The following TTC28 variants were observed in gnomAD, a reference collection of about 807,000 sequenced individuals.
TTC28 encodes tetratricopeptide repeat domain 28.
Under a neutral mutation model 198.0 loss-of-function variants are expected in TTC28, and 61 were observed. That is an observed-to-expected ratio of 0.31 (90% CI 0.25 to 0.38). The LOEUF (loss-of-function observed/expected upper bound fraction) is 0.38, where lower values mean the gene tolerates loss of function less well. Ranked by LOEUF, TTC28 falls within the 10% of genes least tolerant of loss-of-function variation. The pLI, the probability that TTC28 is intolerant of heterozygous loss-of-function variation, is 1.00. For missense variants in TTC28, 2,678 were observed against 3,164.0 expected (o/e 0.85, Z 3.69); for synonymous variants, 1,171 against 1,297.8 (o/e 0.90, Z 2.10).
At chr22:28,399,118 T>G (rs1033161171) in intron 2 of TTC28, among the ~76,000 whole-genome samples, 1 of 151,900 alleles carries the variant, frequency 6.6e-6, no homozygotes, top group Non-Finnish European at 1.5e-5. Flanking sequence ...TCTACCAGAC[T>G]TTTTCATTCT....
intron 2 of TTC28, among the ~76,000 whole-genome samples, chr22:28,587,227 C>T (rs904070928): frequency 1.3e-5 from 2 of 152,148 alleles, no homozygotes; most frequent in African/African-American, 4.8e-5. Context: ...GGCATGGTGG[C>T]ACACATCTGT....
chr22:27,985,196 A>G, intron 22 of TTC28, 53 bp downstream of exon 22: 1 of 1,361,640 alleles, frequency 7.3e-7, no homozygotes, highest in Non-Finnish European at 1.0e-6. Flanking sequence ...GTCGGCCCCC[A>G]GGGAGAGCAT....
intron 2 of TTC28, among the ~76,000 whole-genome samples, chr22:28,367,417 A>C (rs115524916): frequency 0.016 from 2,458 of 152,180 alleles, 88 homozygotes; most frequent in African/African-American, 0.057. Context: ...ACATATCAAA[A>C]CTTACGGGAT....
chr22:28,367,002 A>G (rs1416894742), intron 2 of TTC28, among the ~76,000 whole-genome samples: 1 of 152,128 alleles, frequency 6.6e-6, no homozygotes, highest in Non-Finnish European at 1.5e-5. Context: ...AGACTTCAAT[A>G]GCCCACTTTC....
At chr22:28,603,737 A>G (rs543291302) in intron 2 of TTC28, among the ~76,000 whole-genome samples, 2 of 152,260 alleles carry the variant, frequency 1.3e-5, no homozygotes, top group South Asian at 4.1e-4. Flanking sequence ...AACAATCCTT[A>G]TAACAGTCCT....
chr22:28,461,939 C>T (rs544693352), intron 2 of TTC28, among the ~76,000 whole-genome samples: 1 of 152,310 alleles, frequency 6.6e-6, no homozygotes, highest in Admixed American at 6.5e-5. Context: ...GTCCCAGTTA[C>T]ACCCATCATT....
chr22:28,571,318 T>A (rs973789286), intron 2 of TTC28, among the ~76,000 whole-genome samples: 2 of 152,210 alleles, frequency 1.3e-5, no homozygotes, highest in African/African-American at 2.4e-5. Flanking sequence ...TAATTACACA[T>A]GAAATTACAC....
intron 5 of TTC28, among the ~76,000 whole-genome samples, chr22:28,182,632 C>T (rs1923806493): frequency 6.7e-6 from 1 of 148,642 alleles, no homozygotes; most frequent in South Asian, 2.1e-4. Context: ...ATCATTACAG[C>T]CCCCCTGCTA....
intron 12 of TTC28, among the ~76,000 whole-genome samples, chr22:28,041,203 G>T (rs1939624588): frequency 6.6e-6 from 1 of 152,124 alleles, no homozygotes; most frequent in South Asian, 2.1e-4. Flanking sequence ...AGCTACCAAT[G>T]ACTTTCTTCA....
At chr22:28,388,657 T>G (rs960120689) in intron 2 of TTC28, among the ~76,000 whole-genome samples, 1 of 152,216 alleles carries the variant, frequency 6.6e-6, no homozygotes, top group Non-Finnish European at 1.5e-5. Context: ...GTTGTTGGTG[T>G]ATAAGAACGC....
chr22:28,464,715 T>C (rs1245529728), intron 2 of TTC28, among the ~76,000 whole-genome samples: 1 of 152,186 alleles, frequency 6.6e-6, no homozygotes, highest in East Asian at 1.9e-4. Flanking sequence ...TTATCTCTAC[T>C]TTTTCTACTA....
rs1026220338 is a variant in TTC28 at position 28,630,685 on chromosome 22, T to C, written c.103-855A>G. Among the ~76,000 whole-genome samples the C allele has an allele frequency of 4.6e-5, 7 of 152,320 alleles. No individual in the cohort carries two copies. In the South Asian group the frequency reaches 8.3e-4, roughly 18 times the overall value. ...GAACCTCAATAAACACAAACATTCT[T>C]CATGATCTGCTCTACATTATATTTA... On this transcript the variant is annotated intron_variant, in intron 1 of 22. Transcript: ENST00000397906.
intron 13 of TTC28, among the ~76,000 whole-genome samples, chr22:28,027,781 G>C (rs1385167428): frequency 6.6e-6 from 1 of 152,262 alleles, no homozygotes; most frequent in Non-Finnish European, 1.5e-5. Context: ...GACAGAGAGG[G>C]AGGCCTGGGA....
At chr22:28,567,532 G>A (rs2049999222) in intron 2 of TTC28, among the ~76,000 whole-genome samples, 1 of 82,060 alleles carries the variant, frequency 1.2e-5, no homozygotes, top group Admixed American at 1.9e-4. Flanking sequence ...TAATGATTAG[G>A]ATTCAGAACA....
At chr22:28,531,384 T>C (rs1399164598) in intron 2 of TTC28, among the ~76,000 whole-genome samples, 2 of 152,166 alleles carry the variant, frequency 1.3e-5, no homozygotes, top group Non-Finnish European at 2.9e-5. Flanking sequence ...ATGCACTCAA[T>C]ACAGGAGTAC....
At chr22:28,215,311 C>A (rs1168021062) in intron 5 of TTC28, among the ~76,000 whole-genome samples, 1 of 152,108 alleles carries the variant, frequency 6.6e-6, no homozygotes, top group African/African-American at 2.4e-5. Flanking sequence ...AAGACTGGAT[C>A]AGATGGTCTG....
intron 22 of TTC28, 30 bp from the exon 23 acceptor site, chr22:27,983,881 C>T (rs960260295): frequency 3.9e-5 from 59 of 1,525,152 alleles, no homozygotes; most frequent in Non-Finnish European, 4.9e-5. Context: ...GCCCCAAGGA[C>T]AGTTAGAATT....
intron 2 of TTC28, among the ~76,000 whole-genome samples, chr22:28,428,299 C>T (rs1461268548): frequency 6.6e-6 from 1 of 152,000 alleles, no homozygotes; most frequent in East Asian, 1.9e-4. Context: ...ATGGCAAATC[C>T]CTTTACTTTT....
At chr22:28,640,185 A>C (rs751052234) in intron 1 of TTC28, among the ~76,000 whole-genome samples, 5 of 151,534 alleles carry the variant, frequency 3.3e-5, no homozygotes, top group Non-Finnish European at 7.4e-5. Flanking sequence ...CTTGAGCCTA[A>C]GGAGGTTTAG....
Sources: gnomAD v4.1 joint callset for allele counts (sites outside exome capture counted in the v4.1 genomes callset) on GRCh38, gnomAD v4.1.1 for gene constraint, MANE v1.5 for transcripts, NCBI Gene and HGNC (gene_info 2026-07-23, HGNC 2026-07-21) for gene names.